Variants in SLC30A2 observed in about 807,000 individuals in gnomAD.
SLC30A2 encodes the protein solute carrier family 30 member 2, also known as proton-coupled zinc antiporter SLC30A2.
SLC30A2 carries 19 observed loss-of-function variants against 39.6 expected under a neutral mutation model. The ratio of observed to expected loss-of-function variants is 0.48; its 90% CI spans 0.34 to 0.70. The LOEUF (loss-of-function observed/expected upper bound fraction) is 0.70. SLC30A2 is among the 30% of genes least tolerant of loss of function. The probability of loss-of-function intolerance (pLI) is 0.01; values close to 1 mark genes in which losing one functional copy is unlikely to be tolerated. For synonymous variants in SLC30A2, 195 were observed against 194.8 expected, an observed-to-expected ratio of 1.00 and a Z score of -0.01; for missense variants, 387 against 479.4, an observed-to-expected ratio of 0.81 and a Z score of 1.80.
rs552188675 is a variant in SLC30A2 at position 26,045,741 on chromosome 1, G to A, written c.50+106C>T. 1.2e-5 allele frequency: 19 copies of A among 1,571,948 alleles called. No homozygotes were observed. The East Asian group carries it at 2.5e-4, about 21-fold the overall frequency. On this transcript the variant is annotated intron_variant, in intron 1 of 7. Coordinates refer to ENST00000374276, the MANE Select transcript of SLC30A2 (RefSeq NM_001004434.3). ...CACCTCACCCCACCCCTCCTGCATG[G>A]TCCCAGCTCAAGCCGCAGCCAAAAC...
chr1:26,042,544 C>T lies in SLC30A2; in HGVS notation c.732+5G>A. The T allele has an allele frequency of 6.2e-7, 1 of 1,612,308 alleles. No individual in the cohort carries two copies. The highest frequency in any genetic ancestry group is 8.5e-7 in the Non-Finnish European group (1 of 1,178,472). On this transcript the variant is annotated splice_donor_5th_base_variant and intron_variant, in intron 5 of 7. Transcript: ENST00000374276. ...ACCCCCACCACCCTGTGTCCCAGCTCTGACCTTGAAGTATAAAATATAGGC... is the reference window on the plus strand; with the variant it reads ...ACCCCCACCACCCTGTGTCCCAGCTTTGACCTTGAAGTATAAAATATAGGC...
chr1:26,045,803 G>T (rs1350628141), intron 1 of SLC30A2, 44 bp downstream of exon 1: 1 of 1,613,116 alleles, frequency 6.2e-7, no homozygotes, highest in Non-Finnish European at 8.5e-7. Flanking sequence ...GAGGTGCGTC[G>T]GCTGCCGCCA....
Position 26,042,666 on chromosome 1 carries a change from G to A in SLC30A2, c.615C>T (p.His205=), listed in dbSNP as rs754255821. The A allele has an allele frequency of 8.7e-6, 14 of 1,613,988 alleles. No homozygotes were observed. The East Asian group carries it at 1.3e-4, about 15-fold the overall frequency. ...TLHQSGHGHS[H]GTTNQQEENP... ...TCTCCTCCTGCTGGTTGGTGGTGCCGTGGCTGTGCCCATGGCCAGACTGGT... is the reference window on the plus strand; with the variant it reads ...TCTCCTCCTGCTGGTTGGTGGTGCCATGGCTGTGCCCATGGCCAGACTGGT... The change falls in exon 5 of 8, where the codon CAC becomes CAT. Residue 205 remains histidine, a synonymous_variant. Coordinates refer to ENST00000374276, the MANE Select transcript of SLC30A2 (RefSeq NM_001004434.3).
rs542174018 is a variant in SLC30A2, at chr1:26,039,080, G to A, written c.*80C>T. The A allele has an allele frequency of 1.1e-4, 167 of 1,563,672 alleles. 2 individuals are homozygous for A. In the South Asian group the frequency reaches 1.9e-3, roughly 18 times the overall value. The stretch of plus-strand genomic sequence containing the variant: ...TTACAACACAGCTGGGGTAGGCAAA[G>A]TCCTGGCTGGGCCTGGGGGACACTC... On this transcript the variant is annotated 3_prime_UTR_variant, in exon 8 of 8. Coordinates refer to ENST00000374276, the MANE Select transcript of SLC30A2 (RefSeq NM_001004434.3). This position sits in a 1 kb window ranked among gnomAD's most constrained non-coding sequence, Gnocchi z 4.3.
rs900596416 is a variant in SLC30A2, at chr1:26,038,841, G to A, written c.*319C>T. The A allele has an allele frequency of 1.2e-5, 4 of 344,474 alleles. No homozygotes were observed. The highest frequency in any genetic ancestry group is 4.3e-5 in the African/African-American group (2 of 47,028). 21.3% of individuals were successfully genotyped at this position (344,474 alleles called of 1,614,324 possible). On this transcript the variant is annotated 3_prime_UTR_variant, in exon 8 of 8. Transcript: ENST00000374276. ...CGCTGGGGCCAGCCTCCCCTTGGAC[G>A]TCCCGTGGCTCACCACCTTTGCCCC...
At chr1:26,045,578 T>C (rs1451453599) in intron 1 of SLC30A2, 2 of 635,818 alleles carry the variant, frequency 3.1e-6, no homozygotes, top group South Asian at 1.9e-5. Flanking sequence ...TGGGGCAAAG[T>C]GCTGGGCGGG....
rs147918642 is a variant in SLC30A2 at position 26,043,511 on chromosome 1, G to A, written c.459C>T (p.Val153=). 27 of 1,613,926 alleles carry A rather than the reference G, an allele frequency of 1.7e-5. No individual in the cohort carries two copies. Among genetic ancestry groups the A allele is most frequent in the African/African-American group, 9.3e-5 (7 of 74,886 alleles). Residue 153 remains valine (V), a synonymous_variant, in exon 4 of 8, where the codon GTC becomes GTT. Coordinates refer to ENST00000374276, the MANE Select transcript of SLC30A2 (RefSeq NM_001004434.3). ...CCAGGTACACCAGTACCCCCGTCAC[G>A]ACCCAGATGGACAGTACAGAGACCA... ...GALVSVLSIW[V]VTGVLVYLAV... is the part of the protein sequence containing the mutation.
At chr1:26,041,332 C>T (rs780362998) in intron 6 of SLC30A2, among the ~76,000 whole-genome samples, 2 of 152,160 alleles carry the variant, frequency 1.3e-5, no homozygotes, top group Non-Finnish European at 2.9e-5. Flanking sequence ...GCATAATCCT[C>T]ACCCCCTCTC....
At position 26,038,872 on chromosome 1, in the gene SLC30A2, G is replaced by T; in HGVS notation, c.*288C>A. The T allele has an allele frequency of 1.5e-6, 1 of 656,494 alleles. No individual in the cohort carries two copies. Among genetic ancestry groups the T allele is most frequent in the Non-Finnish European group, 2.0e-6 (1 of 487,926 alleles). 40.7% of individuals were successfully genotyped at this position (656,494 alleles called of 1,614,324 possible). Reference sequence around the variant, plus strand: ...TGGCTCACCACCTTTGCCCCTGCGAGTGGTAGAACATTTGCTGAGGATTAG... The same window carrying T: ...TGGCTCACCACCTTTGCCCCTGCGATTGGTAGAACATTTGCTGAGGATTAG... On this transcript the variant is annotated 3_prime_UTR_variant, in exon 8 of 8. Transcript: ENST00000374276.
intron 6 of SLC30A2, among the ~76,000 whole-genome samples, chr1:26,040,922 C>CCCG (rs1553143481): frequency 4.0e-5 from 6 of 151,182 alleles, no homozygotes; most frequent in Non-Finnish European, 5.9e-5. Flanking sequence ...TGAGACCCCC[C>CCCG]CCCCATCTCT....
chr1:26,039,750 C>T lies in SLC30A2; in HGVS notation c.973+27G>A, dbSNP rs1162759909. The T allele has an allele frequency of 5.0e-6, 8 of 1,606,374 alleles. No homozygotes were observed. Among genetic ancestry groups the T allele is most frequent in the Admixed American group, 1.7e-5 (1 of 59,654 alleles). On this transcript the variant is annotated intron_variant, in intron 7 of 7. Coordinates refer to ENST00000374276, the MANE Select transcript of SLC30A2 (RefSeq NM_001004434.3). This position sits in a 1 kb window ranked among gnomAD's most constrained non-coding sequence, Gnocchi z 4.3. Reference sequence around the variant, plus strand: ...AGGCCTTTGGCTGCCTGTCTCCCACCCCACCCTGAGTGTCCCAAGCACTCA... The same window carrying T: ...AGGCCTTTGGCTGCCTGTCTCCCACTCCACCCTGAGTGTCCCAAGCACTCA...
chr1:26,045,406 C>T, intron 1 of SLC30A2, 189 bp from the exon 2 acceptor site: 1 of 617,302 alleles, frequency 1.6e-6, no homozygotes, highest in South Asian at 2.0e-5. Context: ...GTCCTGGGGC[C>T]CGGGGCCCTT....
chr1:26,039,980 C>T lies in SLC30A2; in HGVS notation c.839-69G>A. ...CCCACGCCTGCCCATTGGTGCAGGGCTGGCTCCTGATCCTCAGGTGTCATC... is the reference window on the plus strand; with the variant it reads ...CCCACGCCTGCCCATTGGTGCAGGGTTGGCTCCTGATCCTCAGGTGTCATC... On this transcript the variant is annotated intron_variant, in intron 6 of 7. Transcript: ENST00000374276. This position sits in a 1 kb window ranked among gnomAD's most constrained non-coding sequence, Gnocchi z 4.3. The T allele has an allele frequency of 6.4e-7, 1 of 1,567,306 alleles. No homozygotes were observed.
Position 26,039,109 on chromosome 1 carries a change from C to G in SLC30A2, c.*51G>C, listed in dbSNP as rs562440047. 6.3e-6 allele frequency: 10 copies of G among 1,594,050 alleles called. No homozygotes were observed. The African/African-American group carries it at 1.1e-4, about 17-fold the overall frequency. On this transcript the variant is annotated 3_prime_UTR_variant, in exon 8 of 8. Coordinates refer to ENST00000374276, the MANE Select transcript of SLC30A2 (RefSeq NM_001004434.3). The surrounding 1 kb of genome is among the most constrained non-coding windows in gnomAD (Gnocchi z 4.3). ...TGGCTGGGCCTGGGGGACACTCAGT[C>G]CAGCCACCTGCAGGTCCTGTTCATG...
chr1:26,044,889 G>T, intron 2 of SLC30A2, 108 bp downstream of exon 2: 2 of 870,566 alleles, frequency 2.3e-6, no homozygotes, highest in Admixed American at 1.8e-5. Flanking sequence ...GTATATAAAG[G>T]CTTACTGTAG....
In SLC30A2 at chr1:26,045,179, C is replaced by T. The variant is rs1436176360; in HGVS notation, c.89G>A (p.Trp30Ter). Residue 30 changes from tryptophan (W) to a stop codon, truncating the protein, a stop_gained, in exon 2 of 8, where the codon TGG (tryptophan) becomes TAG (stop). Transcript: ENST00000374276. LOFTEE classifies it high-confidence loss of function. ...CAGGCCAGGTCGGGGCAGAGGAATC[C>T]AGCCAGCCCCTTCCTGCCACAGAGA... ...TGSLWQEGAGWIPLPRPGLDL... is the reference protein window; with the variant it reads ...TGSLWQEGAG 1 of 1,612,500 alleles carries T rather than the reference C, an allele frequency of 6.2e-7. No individual in the cohort carries two copies. Among genetic ancestry groups the T allele is most frequent in the African/African-American group, 1.3e-5 (1 of 75,014 alleles).
At chr1:26,044,951 G>A in intron 2 of SLC30A2, 46 bp downstream of exon 2, 3 of 1,498,356 alleles carry the variant, frequency 2.0e-6, no homozygotes, top group Non-Finnish European at 1.9e-6. Context: ...GGAACATCCA[G>A]TCTATCCATG....
Position 26,038,992 on chromosome 1 carries a change from A to G in SLC30A2, c.*168T>C. On this transcript the variant is annotated 3_prime_UTR_variant, in exon 8 of 8. Coordinates refer to ENST00000374276, the MANE Select transcript of SLC30A2 (RefSeq NM_001004434.3). ...CTGAGTCCCCACCCTGGCTGTAGTC[A>G]GATGGGAGGCTGGGAAGAGCTCCAT... is the stretch of plus-strand genomic sequence containing the variant. 1 of 1,402,202 alleles carries G rather than the reference A, an allele frequency of 7.1e-7. No homozygotes were observed. The highest frequency in any genetic ancestry group is 9.3e-7 in the Non-Finnish European group (1 of 1,076,348). 86.9% of individuals were successfully genotyped at this position (1,402,202 alleles called of 1,614,324 possible).
chr1:26,039,670 G>T lies in SLC30A2; in HGVS notation c.973+107C>A. Reference sequence around the variant, plus strand: ...AAGTACTCAGCATGAGGCTGGGCTTGATGCATGGGCACTGTGAGCATCTGG... The same window carrying T: ...AAGTACTCAGCATGAGGCTGGGCTTTATGCATGGGCACTGTGAGCATCTGG... On this transcript the variant is annotated intron_variant, in intron 7 of 7. Transcript: ENST00000374276. This position sits in a 1 kb window ranked among gnomAD's most constrained non-coding sequence, Gnocchi z 4.3. The T allele has an allele frequency of 9.0e-7, 1 of 1,116,874 alleles. No individual in the cohort carries two copies. Among genetic ancestry groups the T allele is most frequent in the Non-Finnish European group, 1.3e-6 (1 of 774,926 alleles). The allele number at this position is 1,116,874 out of a possible 1,614,324, so 69.2% of individuals were successfully genotyped here.
Sources: allele counts gnomAD v4.1 joint callset (sites outside exome capture counted in the v4.1 genomes callset), GRCh38; gene constraint gnomAD v4.1.1; non-coding constraint Gnocchi (gnomAD v3.1); transcripts MANE v1.5; gene names NCBI Gene and HGNC (gene_info 2026-07-23, HGNC 2026-07-21).